HS3ST4: variants seen among roughly 807,000 people sequenced by gnomAD.
The protein encoded by HS3ST4 is heparan sulfate-glucosamine 3-sulfotransferase 4, also known as heparan sulfate glucosamine 3-O-sulfotransferase 4.
In HS3ST4, 17 loss-of-function variants were observed where a neutral mutation model predicts 29.2. The ratio of observed to expected loss-of-function variants is 0.58; its 90% CI spans 0.40 to 0.87. HS3ST4 has a LOEUF of 0.87. Among genes scored for constraint, HS3ST4 ranks in the 40% least tolerant of loss-of-function variants. The pLI is 0.00. For synonymous variants in HS3ST4, 314 were observed against 285.7 expected (o/e 1.10, Z -1.00); for missense variants, 627 against 634.5 (o/e 0.99, Z 0.13).
At chr16:26,102,726 T>A (rs1443356887) in intron 1 of HS3ST4, among the ~76,000 whole-genome samples, 2 of 152,250 alleles carry the variant, frequency 1.3e-5, no homozygotes, top group Non-Finnish European at 2.9e-5. Flanking sequence ...TTCTTGAGGA[T>A]AAGAAAAGAA....
At chr16:26,042,865 G>C (rs1315440781) in intron 1 of HS3ST4, among the ~76,000 whole-genome samples, 1 of 152,064 alleles carries the variant, frequency 6.6e-6, no homozygotes, top group African/African-American at 2.4e-5. Context: ...TCAATATTTA[G>C]AGTGGTTTGA....
At chr16:25,975,308 G>A (rs1401943383) in intron 1 of HS3ST4, among the ~76,000 whole-genome samples, 1 of 151,756 alleles carries the variant, frequency 6.6e-6, no homozygotes, top group African/African-American at 2.4e-5. Context: ...AGGGAGGGAG[G>A]GAGGGGGTTA....
At chr16:25,775,096 G>C (rs1966846397) in intron 1 of HS3ST4, among the ~76,000 whole-genome samples, 1 of 152,214 alleles carries the variant, frequency 6.6e-6, no homozygotes, top group African/African-American at 2.4e-5. Context: ...TGAACTGGCA[G>C]ATTGATCCAT....
chr16:25,783,377 C>T (rs1019052980), intron 1 of HS3ST4, among the ~76,000 whole-genome samples: 1 of 152,178 alleles, frequency 6.6e-6, no homozygotes, highest in East Asian at 1.9e-4. Flanking sequence ...AACTTCCCTG[C>T]CCTCTGTTTT....
intron 1 of HS3ST4, among the ~76,000 whole-genome samples, chr16:26,119,943 G>A (rs953260888): frequency 2.6e-5 from 4 of 152,156 alleles, no homozygotes; most frequent in African/African-American, 9.7e-5. Flanking sequence ...ATGTGAAAGA[G>A]AACGTTTTTA....
intron 1 of HS3ST4, among the ~76,000 whole-genome samples, chr16:25,882,362 A>C (rs899426620): frequency 1.3e-5 from 2 of 152,162 alleles, no homozygotes; most frequent in African/African-American, 4.8e-5. Flanking sequence ...ACCACCTTGC[A>C]GAAGTTTATG....
At chr16:25,762,623 T>G (rs984500537) in intron 1 of HS3ST4, among the ~76,000 whole-genome samples, 5 of 151,844 alleles carry the variant, frequency 3.3e-5, no homozygotes, top group South Asian at 4.2e-4. Flanking sequence ...GTCCCAGCAC[T>G]TGGGAGGCTG....
Position 26,136,801 on chromosome 16 carries a change from A to C in HS3ST4, c.*553A>C. 2 of 154,066 alleles carry C rather than the reference A, an allele frequency of 1.3e-5. No individual in the cohort carries two copies. Among genetic ancestry groups the C allele is most frequent in the Non-Finnish European group, 2.9e-5 (2 of 69,586 alleles). The allele number at this position is 154,066 out of a possible 1,614,324, so 9.5% of individuals were successfully genotyped here. A position where few individuals can be genotyped will look rare whatever the true frequency, so the allele number is the denominator to read the frequency against. On this transcript the variant is annotated 3_prime_UTR_variant, in exon 2 of 2. Coordinates refer to ENST00000331351, the MANE Select transcript of HS3ST4 (RefSeq NM_006040.3). ...TTCTCTTTAAAGGTCTCATCCCACA[A>C]CCCCTGACTTCCTCCCTCCCCACAT... is the stretch of plus-strand genomic sequence containing the variant.
At chr16:26,114,082 C>A (rs1400331323) in intron 1 of HS3ST4, among the ~76,000 whole-genome samples, 1 of 152,084 alleles carries the variant, frequency 6.6e-6, no homozygotes, top group African/African-American at 2.4e-5. Context: ...ACATCACATG[C>A]AAAATGCAAG....
At position 25,997,256 on chromosome 16, in the gene HS3ST4, C is replaced by G. The variant is rs1052787966; in HGVS notation, c.735-138356C>G. ...TACCATTGATGCAGGTCAACCTTTG[C>G]TTTGTTTCTGATTTCAATGAAATGA... On this transcript the variant is annotated intron_variant, in intron 1 of 1. Coordinates refer to ENST00000331351, the MANE Select transcript of HS3ST4 (RefSeq NM_006040.3). Among the ~76,000 whole-genome samples the G allele has an allele frequency of 3.9e-5, 6 of 152,104 alleles. No homozygotes were observed. In the East Asian group the frequency reaches 9.6e-4, roughly 24 times the overall value.
At chr16:26,066,411 T>C (rs115943594) in intron 1 of HS3ST4, among the ~76,000 whole-genome samples, 3,436 of 152,342 alleles carry the variant, frequency 0.023, 144 homozygotes, top group African/African-American at 0.077. Flanking sequence ...AAGACTATTA[T>C]CACTGCATCA....
chr16:25,730,462 T>G (rs979335478), intron 1 of HS3ST4, among the ~76,000 whole-genome samples: 5 of 145,502 alleles, frequency 3.4e-5, no homozygotes, highest in Non-Finnish European at 7.6e-5. Flanking sequence ...TCTTCCTTCC[T>G]TCCTTCTCCT....
chr16:25,836,255 G>A (rs1039146038), intron 1 of HS3ST4, among the ~76,000 whole-genome samples: 2 of 152,164 alleles, frequency 1.3e-5, no homozygotes, highest in Admixed American at 6.6e-5. Context: ...ATGCATAGGG[G>A]TTCAAATGGA....
chr16:25,835,252 C>T (rs1328992424), intron 1 of HS3ST4, among the ~76,000 whole-genome samples: 1 of 152,196 alleles, frequency 6.6e-6, no homozygotes. Context: ...GTTGTTTGAA[C>T]ATCAAAACTC....
chr16:25,831,765 T>C (rs1967303723), intron 1 of HS3ST4, among the ~76,000 whole-genome samples: 1 of 151,986 alleles, frequency 6.6e-6, no homozygotes, highest in South Asian at 2.1e-4. Context: ...AATGAATGAG[T>C]GCACAAATAC....
chr16:26,037,849 T>A (rs548553410), intron 1 of HS3ST4, among the ~76,000 whole-genome samples: 15 of 152,148 alleles, frequency 9.9e-5, no homozygotes, highest in African/African-American at 3.1e-4. Flanking sequence ...TTTTCTCAGA[T>A]CTGGTGAGCT....
rs367931100 is a variant in HS3ST4 at position 26,136,054 on chromosome 16, G to A, written c.1177G>A (p.Gly393Arg). 19 of 1,613,686 alleles carry A rather than the reference G, an allele frequency of 1.2e-5. No homozygotes were observed. The highest frequency in any genetic ancestry group is 1.6e-5 in the Non-Finnish European group (19 of 1,179,842). The change falls in exon 2 of 2, where the codon GGG (glycine) becomes AGG (arginine). Residue 393 changes from glycine to arginine, a missense_variant. Coordinates refer to ENST00000331351, the MANE Select transcript of HS3ST4 (RefSeq NM_006040.3). Reference sequence around the variant, plus strand: ...GCATTTCTATTTCAACAAAACCAAGGGGTTCCCTTGCCTAAAGAAGCCAGA... The same window carrying A: ...GCATTTCTATTTCAACAAAACCAAGAGGTTCCCTTGCCTAAAGAAGCCAGA... ...EKHFYFNKTKGFPCLKKPEDS... is the reference protein window; with the variant it reads ...EKHFYFNKTKRFPCLKKPEDS...
At chr16:26,125,249 C>T (rs1305062356) in intron 1 of HS3ST4, among the ~76,000 whole-genome samples, 1 of 152,188 alleles carries the variant, frequency 6.6e-6, no homozygotes, top group African/African-American at 2.4e-5. Flanking sequence ...GCACCACGGA[C>T]CAGTTTTGTG....
At chr16:25,748,114 T>C (rs1966696004) in intron 1 of HS3ST4, among the ~76,000 whole-genome samples, 1 of 152,128 alleles carries the variant, frequency 6.6e-6, no homozygotes, top group Admixed American at 6.6e-5. Flanking sequence ...GACCTGGGCA[T>C]TGGGAGGTCC....
Sources: allele counts gnomAD v4.1 joint callset (sites outside exome capture counted in the v4.1 genomes callset), GRCh38; gene constraint gnomAD v4.1.1; transcripts MANE v1.5; gene names NCBI Gene and HGNC (gene_info 2026-07-23, HGNC 2026-07-21).